Variants in CAMTA1 observed in about 807,000 individuals in gnomAD.
The protein encoded by CAMTA1 is calmodulin binding transcription activator 1, also known as calmodulin-binding transcription activator 1.
A neutral mutation model predicts 170.9 loss-of-function variants in CAMTA1; 27 were observed. That is an observed-to-expected ratio of 0.16 (90% CI 0.12 to 0.22). The LOEUF (loss-of-function observed/expected upper bound fraction) is 0.22. CAMTA1 is among the 10% of genes least tolerant of loss of function. The pLI, the probability that CAMTA1 is intolerant of heterozygous loss-of-function variation, is 1.00. For synonymous variants in CAMTA1, 833 were observed against 891.5 expected, an observed-to-expected ratio of 0.93 and a Z score of 1.17; for missense variants, 1,619 against 2,217.2, an observed-to-expected ratio of 0.73 and a Z score of 5.42.
chr1:7,139,916 A>T (rs909894441), intron 4 of CAMTA1, among the ~76,000 whole-genome samples: 1 of 152,222 alleles, frequency 6.6e-6, no homozygotes, highest in Non-Finnish European at 1.5e-5. Context: ...GCCACAGTGT[A>T]GCATTGGCAT....
chr1:7,224,101 G>A lies in CAMTA1; in HGVS notation c.303-25390G>A, dbSNP rs2149150593. Among the ~76,000 whole-genome samples the A allele has an allele frequency of 6.6e-6, 1 of 152,270 alleles. No individual in the cohort carries two copies. The highest frequency in any genetic ancestry group is 3.4e-3 in the Middle Eastern group (1 of 294). ...TGACATGCAGTTGTATAAAGGATGG[G>A]GCACCTTAACGTTTGTAGCACCTTT... On this transcript the variant is annotated intron_variant, in intron 4 of 22. Coordinates refer to ENST00000303635, the MANE Select transcript of CAMTA1 (RefSeq NM_015215.4). The surrounding 1 kb of genome is among the most constrained non-coding windows in gnomAD (Gnocchi z 5.2).
rs539882937 is a variant in CAMTA1, at chr1:7,512,465, G to A, written c.510+44564G>A. Among the ~76,000 whole-genome samples, 91 of 152,328 alleles carry A rather than the reference G, an allele frequency of 6.0e-4. 1 individual carries two copies. The highest frequency in any genetic ancestry group is 2.0e-3 in the African/African-American group (83 of 41,574). On this transcript the variant is annotated intron_variant, in intron 6 of 22. Coordinates refer to ENST00000303635, the MANE Select transcript of CAMTA1 (RefSeq NM_015215.4). ...TAACAAACAGTCTGGGAATCTCAGCGGCTGACAGGACCGCATAGTTATTTG... is the reference window on the plus strand; with the variant it reads ...TAACAAACAGTCTGGGAATCTCAGCAGCTGACAGGACCGCATAGTTATTTG...
At chr1:7,182,849 C>T (rs572891485) in intron 4 of CAMTA1, among the ~76,000 whole-genome samples, 18 of 152,246 alleles carry the variant, frequency 1.2e-4, no homozygotes, top group African/African-American at 4.3e-4. Flanking sequence ...CAACATCACT[C>T]ATAATTAGAG....
At chr1:7,492,441 A>T (rs57077909) in intron 6 of CAMTA1, among the ~76,000 whole-genome samples, 35,756 of 151,980 alleles carry the variant, frequency 0.24, 6,545 homozygotes, top group East Asian at 0.58. Context: ...TGCCCCTGCC[A>T]CCAGCCCCCG....
chr1:6,801,257 T>C (rs1185539748), intron 1 of CAMTA1, among the ~76,000 whole-genome samples: 1 of 152,250 alleles, frequency 6.6e-6, no homozygotes, highest in Non-Finnish European at 1.5e-5. Context: ...GAGTGTTTTC[T>C]GATGCAAATA....
At chr1:7,262,771 C>A (rs565820458) in intron 5 of CAMTA1, among the ~76,000 whole-genome samples, 1 of 152,090 alleles carries the variant, frequency 6.6e-6, no homozygotes, top group African/African-American at 2.4e-5. Context: ...ACACCAGCAC[C>A]TAGCACAGTA....
chr1:7,571,184 C>T (rs994901144), intron 6 of CAMTA1, among the ~76,000 whole-genome samples: 1 of 152,172 alleles, frequency 6.6e-6, no homozygotes, highest in Non-Finnish European at 1.5e-5. Context: ...GATCAAGGTC[C>T]CAGTAGACTT....
chr1:7,121,817 C>T (rs528562491), intron 4 of CAMTA1, among the ~76,000 whole-genome samples: 7 of 152,236 alleles, frequency 4.6e-5, no homozygotes, highest in Admixed American at 6.5e-5. Context: ...CAGGGAGAGC[C>T]GCGAGGGGGG....
At chr1:7,304,493 G>A in intron 5 of CAMTA1, among the ~76,000 whole-genome samples, 1 of 152,016 alleles carries the variant, frequency 6.6e-6, no homozygotes, top group East Asian at 1.9e-4. Context: ...CACAGATATT[G>A]ACAAATTGTC....
chr1:7,411,412 C>T (rs2859315), intron 5 of CAMTA1, among the ~76,000 whole-genome samples: 1 of 152,030 alleles, frequency 6.6e-6, no homozygotes, highest in South Asian at 2.1e-4. Context: ...GGTGACACGG[C>T]CCTGTAATCC....
At chr1:6,922,952 C>G (rs560490931) in intron 3 of CAMTA1, among the ~76,000 whole-genome samples, 1 of 152,108 alleles carries the variant, frequency 6.6e-6, no homozygotes, top group Non-Finnish European at 1.5e-5. Flanking sequence ...GCTCTGCTTC[C>G]TGGTCCCTGC....
chr1:6,881,364 CTG>C (rs1571321408), intron 3 of CAMTA1, among the ~76,000 whole-genome samples: 1 of 152,190 alleles, frequency 6.6e-6, no homozygotes, highest in East Asian at 1.9e-4. Flanking sequence ...GGAAGCAACA[CTG>C]TGACCACTTG....
chr1:6,847,252 AT>A (rs758285378), intron 3 of CAMTA1, among the ~76,000 whole-genome samples: 3 of 151,898 alleles, frequency 2.0e-5, no homozygotes, highest in East Asian at 1.9e-4. Flanking sequence ...TGAAGGATGG[AT>A]TTTTTTTTTA....
intron 7 of CAMTA1, among the ~76,000 whole-genome samples, chr1:7,653,594 T>TCC (rs1558060414): frequency 6.6e-6 from 1 of 152,166 alleles, no homozygotes; most frequent in Admixed American, 6.5e-5. Context: ...ATGAAGATGC[T>TCC]CACATACTGC....
At chr1:6,870,474 AGTTT>A (rs747156164) in intron 3 of CAMTA1, among the ~76,000 whole-genome samples, 3 of 152,164 alleles carry the variant, frequency 2.0e-5, no homozygotes. Context: ...GCATTTATAG[AGTTT>A]GTTTATTTAT....
At chr1:7,026,949 C>T (rs776110059) in intron 3 of CAMTA1, among the ~76,000 whole-genome samples, 2 of 152,058 alleles carry the variant, frequency 1.3e-5, no homozygotes, top group African/African-American at 2.4e-5. Context: ...TTACCTTTTC[C>T]GGCATGACCT....
At chr1:7,559,849 G>C (rs888978891) in intron 6 of CAMTA1, among the ~76,000 whole-genome samples, 1 of 152,154 alleles carries the variant, frequency 6.6e-6, no homozygotes, top group African/African-American at 2.4e-5. Context: ...GCCAGGGGAG[G>C]GGGGCCTCAG....
intron 11 of CAMTA1, among the ~76,000 whole-genome samples, chr1:7,726,216 G>C (rs2096685024): frequency 1.5e-5 from 2 of 134,990 alleles, no homozygotes; most frequent in South Asian, 5.4e-4. Flanking sequence ...TCTGTCAAAG[G>C]ATTTTTTTTT....
At chr1:7,073,308 T>A (rs886670326) in intron 3 of CAMTA1, among the ~76,000 whole-genome samples, 2 of 152,060 alleles carry the variant, frequency 1.3e-5, no homozygotes, top group African/African-American at 4.8e-5. Flanking sequence ...AAGTTTAAGA[T>A]CCTAGAAGAT....
Sources: allele counts gnomAD v4.1 joint callset (sites outside exome capture counted in the v4.1 genomes callset), GRCh38; gene constraint gnomAD v4.1.1; non-coding constraint Gnocchi (gnomAD v3.1); transcripts MANE v1.5; gene names NCBI Gene and HGNC (gene_info 2026-07-23, HGNC 2026-07-21).